The following PAH variants were observed in gnomAD, a reference collection of about 807,000 sequenced individuals.
PAH encodes phenylalanine-4-hydroxylase.
In PAH, 64 loss-of-function variants were observed where a neutral mutation model predicts 62.0. The observed-to-expected ratio is 1.03, with a 90% CI of 0.84 to 1.27. The LOEUF (loss-of-function observed/expected upper bound fraction) is 1.27, where lower values mean the gene tolerates loss of function less well. Ranked by LOEUF, PAH falls within the 50% of genes most tolerant of loss-of-function variation. PAH has a pLI of 0.00. For synonymous variants in PAH, 195 were observed against 196.2 expected (o/e 0.99, Z 0.05); for missense variants, 579 against 542.8 (o/e 1.07, Z -0.66).
chr12:102,839,359 C>A, intron 12 of PAH, 141 bp from the exon 13 acceptor site: 2 of 758,254 alleles, frequency 2.6e-6, no homozygotes, highest in Non-Finnish European at 2.3e-6. Context: ...GAGCTTACAG[C>A]CTCATTATGG....
At chr12:102,904,681 T>C in intron 2 of PAH, 1 of 454,544 alleles carries the variant, frequency 2.2e-6, no homozygotes. Context: ...CTTATTTCCT[T>C]TAATTTCATT....
At chr12:102,843,868 C>G in intron 10 of PAH, 89 bp from the exon 11 acceptor site, 2 of 1,384,340 alleles carry the variant, frequency 1.4e-6, no homozygotes. Context: ...TGCCCCTTCT[C>G]TCATCTCACC....
chr12:102,875,186 T>G (rs935351067), intron 4 of PAH, among the ~76,000 whole-genome samples: 1 of 152,216 alleles, frequency 6.6e-6, no homozygotes, highest in East Asian at 1.9e-4. Context: ...ATATGTTGTA[T>G]TTTTACAATA....
chr12:102,850,371 A>G (rs1435865091), intron 8 of PAH, among the ~76,000 whole-genome samples: 7 of 152,190 alleles, frequency 4.6e-5, no homozygotes, highest in Admixed American at 1.3e-4. Context: ...CAAGCAATAA[A>G]TTCCACTTTT....
chr12:102,938,050 A>T (rs973338343), intron 1 of PAH, among the ~76,000 whole-genome samples: 5 of 152,206 alleles, frequency 3.3e-5, no homozygotes, highest in African/African-American at 1.2e-4. Flanking sequence ...GTGAGTAAAC[A>T]CTATAAATTT....
At chr12:102,843,557 A>G in intron 11 of PAH, 89 bp downstream of exon 11, 1 of 1,281,442 alleles carries the variant, frequency 7.8e-7, no homozygotes, top group East Asian at 2.3e-5. Context: ...TAGACATTGG[A>G]GTCCACTCTC....
chr12:102,866,232 T>C (rs534091213), intron 5 of PAH, among the ~76,000 whole-genome samples: 1 of 152,262 alleles, frequency 6.6e-6, no homozygotes, highest in African/African-American at 2.4e-5. Flanking sequence ...ATGATTCTCT[T>C]TTTCCTTCTT....
chr12:102,903,960 T>C (rs1877870949), intron 2 of PAH, among the ~76,000 whole-genome samples: 1 of 152,154 alleles, frequency 6.6e-6, no homozygotes, highest in African/African-American at 2.4e-5. Flanking sequence ...AGTATTTTCC[T>C]AAAAGGCATG....
intron 5 of PAH, among the ~76,000 whole-genome samples, chr12:102,855,966 T>C (rs972408623): frequency 6.7e-6 from 1 of 148,958 alleles, no homozygotes; most frequent in African/African-American, 2.6e-5. Flanking sequence ...TATACATATA[T>C]CAAAACATCA....
chr12:102,948,510 T>G (rs2136772855), intron 1 of PAH, among the ~76,000 whole-genome samples: 1 of 152,300 alleles, frequency 6.6e-6, no homozygotes, highest in South Asian at 2.1e-4. Context: ...CCTGTGGATC[T>G]TTTCTTCCCG....
At chr12:102,851,947 A>G in intron 7 of PAH, 191 bp from the exon 8 acceptor site, 1 of 583,252 alleles carries the variant, frequency 1.7e-6, no homozygotes, top group South Asian at 2.0e-5. Context: ...AAAGAAGAAA[A>G]GGAAGGAAAA....
At chr12:102,894,161 A>G (rs1026213183) in intron 3 of PAH, among the ~76,000 whole-genome samples, 4 of 152,168 alleles carry the variant, frequency 2.6e-5, no homozygotes, top group Non-Finnish European at 5.9e-5. Context: ...TTTTCTGCAT[A>G]TGGCTTTCGA....
intron 1 of PAH, chr12:102,946,756 CT>C (rs1478864982): frequency 3.9e-5 from 6 of 152,122 alleles, no homozygotes; most frequent in Non-Finnish European, 7.4e-5. Flanking sequence ...ATTTTTGGTT[CT>C]TATGAAGATG....
At chr12:102,844,171 C>T (rs1377522868) in intron 10 of PAH, among the ~76,000 whole-genome samples, 165 bp downstream of exon 10, 4 of 152,162 alleles carry the variant, frequency 2.6e-5, no homozygotes, top group Admixed American at 2.0e-4. Flanking sequence ...AAACCCACAG[C>T]CATCATCAAA....
intron 5 of PAH, among the ~76,000 whole-genome samples, chr12:102,856,243 A>T (rs1413256584): frequency 6.6e-6 from 1 of 152,140 alleles, no homozygotes; most frequent in Non-Finnish European, 1.5e-5. Flanking sequence ...TCTCTTGGGG[A>T]AGGGAAGGCT....
Position 102,894,889 on chromosome 12 carries a change from T to C in PAH, c.198A>G (p.Glu66=), listed in dbSNP as rs117308669. 19 of 1,613,842 alleles carry C rather than the reference T, an allele frequency of 1.2e-5. No homozygotes were observed. The highest frequency in any genetic ancestry group is 1.5e-5 in the Non-Finnish European group (18 of 1,179,860). ...EENDVNLTHI[E]SRPSRLKKDE... ...CTTTCTTTAAACGAGAAGGTCTAGA[T>C]TCAATGTGGGTCAGGTTTACATCAT... Residue 66 remains glutamate, a synonymous_variant, in exon 3 of 13, where the codon GAA becomes GAG. Coordinates refer to ENST00000553106, the MANE Select transcript of PAH (RefSeq NM_000277.3).
intron 3 of PAH, among the ~76,000 whole-genome samples, chr12:102,884,396 G>A (rs920983599): frequency 1.3e-5 from 2 of 152,210 alleles, no homozygotes; most frequent in Admixed American, 6.5e-5. Flanking sequence ...ACTCAGTGCC[G>A]AGCCTTGACA....
chr12:102,853,090 T>C, intron 6 of PAH, 140 bp from the exon 7 acceptor site: 1 of 861,028 alleles, frequency 1.2e-6, no homozygotes, highest in Non-Finnish European at 1.9e-6. Flanking sequence ...GCTTCAGATG[T>C]CTGCCTCGCT....
chr12:102,892,374 TTTTACAG>T (rs1370451372), intron 3 of PAH, among the ~76,000 whole-genome samples: 26 of 137,104 alleles, frequency 1.9e-4, no homozygotes, highest in African/African-American at 8.3e-4. Flanking sequence ...AGAAACTCGA[TTTTACAG>T]TAGAAAAAAA....
Sources: gnomAD v4.1 joint callset for allele counts (sites outside exome capture counted in the v4.1 genomes callset) on GRCh38, gnomAD v4.1.1 for gene constraint, MANE v1.5 for transcripts, NCBI Gene and HGNC (gene_info 2026-07-23, HGNC 2026-07-21) for gene names.